Variants in PTCD2 observed in about 807,000 individuals in gnomAD.
The protein encoded by PTCD2 is pentatricopeptide repeat domain 2.
PTCD2 carries 31 observed loss-of-function variants against 42.6 expected under a neutral mutation model. That is an observed-to-expected ratio of 0.73 (90% CI 0.55 to 0.98). The LOEUF is 0.98. PTCD2 is among the 50% of genes least tolerant of loss of function. The pLI is 0.00. For missense variants in PTCD2, 476 were observed against 454.8 expected, an observed-to-expected ratio of 1.05 and a Z score of -0.42; for synonymous variants, 183 against 170.9, an observed-to-expected ratio of 1.07 and a Z score of -0.55.
intron 8 of PTCD2, among the ~76,000 whole-genome samples, chr5:72,345,275 G>T (rs543471486): frequency 6.6e-6 from 1 of 152,106 alleles, no homozygotes; most frequent in Admixed American, 6.5e-5. Context: ...GCTGTGTTCC[G>T]CCCAGCTCAC....
chr5:72,341,516 T>C (rs2112185228), intron 7 of PTCD2, among the ~76,000 whole-genome samples: 1 of 151,798 alleles, frequency 6.6e-6, no homozygotes, highest in East Asian at 2.0e-4. Flanking sequence ...GAGGATCACT[T>C]GAGGCCAGGA....
At chr5:72,351,931 A>T (rs554677726) in intron 8 of PTCD2, among the ~76,000 whole-genome samples, 1 of 152,298 alleles carries the variant, frequency 6.6e-6, no homozygotes, top group East Asian at 1.9e-4. Context: ...TATCTTCTGT[A>T]TACTGGTATT....
intron 3 of PTCD2, among the ~76,000 whole-genome samples, chr5:72,331,044 T>A (rs2112146634): frequency 6.6e-6 from 1 of 152,372 alleles, no homozygotes; most frequent in South Asian, 2.1e-4. Context: ...TATGTCAGTC[T>A]GCTGTAAATT....
chr5:72,338,315 G>T (rs1751864772), intron 6 of PTCD2, among the ~76,000 whole-genome samples: 2 of 152,108 alleles, frequency 1.3e-5, no homozygotes, highest in African/African-American at 4.8e-5. Context: ...ATAAATTATG[G>T]GGTCTTTGTC....
At chr5:72,322,908 C>T (rs1750938588) in intron 2 of PTCD2, among the ~76,000 whole-genome samples, 2 of 152,146 alleles carry the variant, frequency 1.3e-5, no homozygotes, top group Non-Finnish European at 2.9e-5. Context: ...AACTCCAGCA[C>T]TTTGGGAGGC....
chr5:72,352,618 G>T, intron 8 of PTCD2, 23 bp from the exon 9 acceptor site: 5 of 1,228,918 alleles, frequency 4.1e-6, no homozygotes, highest in Non-Finnish European at 4.8e-6. Flanking sequence ...TCTTGGTTTT[G>T]CTTGTGTCTT....
In PTCD2 at chr5:72,362,416, G is replaced by A. The variant is rs1753116309; in HGVS notation, c.*3989G>A. ...TGGTGTCTTGTTCTTGGATTTCCCA[G>A]CCTTCAGAACTGTGAGAAATATATT... On this transcript the variant is annotated 3_prime_UTR_variant, in exon 10 of 10. Coordinates refer to ENST00000380639, the MANE Select transcript of PTCD2 (RefSeq NM_024754.5). 6.6e-6 allele frequency: 1 copy of A among 152,182 alleles called. No individual in the cohort carries two copies. Among genetic ancestry groups the A allele is most frequent in the Admixed American group, 6.5e-5 (1 of 15,284 alleles). The allele number at this position is 152,182 out of a possible 1,614,324, so 9.4% of individuals were successfully genotyped here.
intron 8 of PTCD2, among the ~76,000 whole-genome samples, chr5:72,344,923 A>G (rs1179626553): frequency 6.6e-6 from 1 of 152,208 alleles, no homozygotes; most frequent in Non-Finnish European, 1.5e-5. Flanking sequence ...GCGAGATCAC[A>G]GGACCACAGG....
At chr5:72,353,242 A>T (rs1283791436) in intron 9 of PTCD2, among the ~76,000 whole-genome samples, 1 of 152,154 alleles carries the variant, frequency 6.6e-6, no homozygotes, top group Non-Finnish European at 1.5e-5. Context: ...CATGCACTGG[A>T]TCCCATCCTC....
chr5:72,342,855 A>G, intron 7 of PTCD2, 107 bp from the exon 8 acceptor site: 2 of 509,096 alleles, frequency 3.9e-6, no homozygotes, highest in Non-Finnish European at 6.7e-6. Flanking sequence ...GTGGACTTCA[A>G]AACCCTGAGG....
chr5:72,344,643 C>G (rs1028971890), intron 8 of PTCD2, among the ~76,000 whole-genome samples: 1 of 152,160 alleles, frequency 6.6e-6, no homozygotes, highest in Non-Finnish European at 1.5e-5. Context: ...GAACCTGCCC[C>G]CAATAGTCAC....
At chr5:72,336,381 A>G (rs979337960) in intron 6 of PTCD2, among the ~76,000 whole-genome samples, 3 of 152,192 alleles carry the variant, frequency 2.0e-5, no homozygotes, top group African/African-American at 4.8e-5. Flanking sequence ...AGCTTAATGT[A>G]CTTAGCAGAT....
At chr5:72,326,307 G>A (rs775039031) in intron 2 of PTCD2, among the ~76,000 whole-genome samples, 2 of 152,190 alleles carry the variant, frequency 1.3e-5, no homozygotes, top group Middle Eastern at 3.2e-3. Context: ...TCAAACTTTA[G>A]TATACCAGAG....
intron 3 of PTCD2, among the ~76,000 whole-genome samples, chr5:72,329,972 G>T (rs543116035): frequency 1.4e-5 from 2 of 147,380 alleles, no homozygotes; most frequent in Admixed American, 6.8e-5. Context: ...TCGCTCTGTC[G>T]CCCAGGCTGG....
chr5:72,322,290 T>C, intron 2 of PTCD2, 26 bp downstream of exon 2: 1 of 1,333,852 alleles, frequency 7.5e-7, no homozygotes, highest in Non-Finnish European at 1.1e-6. Context: ...TTGTTAATTC[T>C]GTCATTTATC....
intron 1 of PTCD2, 26 bp downstream of exon 1, chr5:72,320,535 G>A (rs1198272682): frequency 1.6e-5 from 26 of 1,612,674 alleles, no homozygotes; most frequent in Middle Eastern, 1.6e-4. Context: ...GCCTAGGGAA[G>A]GAGGGGAGGG....
chr5:72,356,303 A>G (rs1261968344), intron 9 of PTCD2, among the ~76,000 whole-genome samples: 1 of 152,224 alleles, frequency 6.6e-6, no homozygotes, highest in African/African-American at 2.4e-5. Context: ...CAAACTTTAT[A>G]TTGAAAAATA....
rs1329866713 is a variant in PTCD2, at chr5:72,334,098, G to A, written c.469-920G>A. Among the ~76,000 whole-genome samples, 4 of 151,820 alleles carry A rather than the reference G, an allele frequency of 2.6e-5. No individual in the cohort carries two copies. In the East Asian group the frequency reaches 7.7e-4, roughly 29 times the overall value. On this transcript the variant is annotated intron_variant, in intron 4 of 9. Coordinates refer to ENST00000380639, the MANE Select transcript of PTCD2 (RefSeq NM_024754.5). ...TGCCCAGGCTGGTCCTGAACTCTTG[G>A]CCTCAAGTGATCCCGCCTCTCCCTC...
chr5:72,334,975 T>C, intron 4 of PTCD2, 43 bp from the exon 5 acceptor site: 1 of 1,214,074 alleles, frequency 8.2e-7, no homozygotes, highest in Non-Finnish European at 1.2e-6. Flanking sequence ...CCTCAATAAA[T>C]AGTTTTAACT....
Sources: gnomAD v4.1 joint callset for allele counts (sites outside exome capture counted in the v4.1 genomes callset) on GRCh38, gnomAD v4.1.1 for gene constraint, MANE v1.5 for transcripts, NCBI Gene and HGNC (gene_info 2026-07-23, HGNC 2026-07-21) for gene names.